Variants in COL24A1 observed in about 807,000 individuals in gnomAD.
The protein encoded by COL24A1 is collagen alpha-1(XXIV) chain.
A neutral mutation model predicts 253.9 loss-of-function variants in COL24A1; 224 were observed. The observed-to-expected ratio is 0.88, with a 90% CI of 0.79 to 0.99. The LOEUF (loss-of-function observed/expected upper bound fraction) is 0.99, where lower values mean the gene tolerates loss of function less well. COL24A1 is among the 50% of genes least tolerant of loss of function. The probability of loss-of-function intolerance (pLI) is 0.00; values close to 1 mark genes in which losing one functional copy is unlikely to be tolerated. For missense variants in COL24A1, 2,131 were observed against 2,068.5 expected, an observed-to-expected ratio of 1.03 and a Z score of -0.59; for synonymous variants, 685 against 673.7, an observed-to-expected ratio of 1.02 and a Z score of -0.26.
At chr1:86,060,318 T>G (rs1273374972) in intron 8 of COL24A1, among the ~76,000 whole-genome samples, 2 of 152,172 alleles carry the variant, frequency 1.3e-5, no homozygotes, top group Admixed American at 1.3e-4. Flanking sequence ...TGTGTTGAGC[T>G]GATGACAACA....
intron 31 of COL24A1, among the ~76,000 whole-genome samples, chr1:85,891,481 T>C (rs368790236): frequency 3.3e-5 from 5 of 152,198 alleles, no homozygotes; most frequent in East Asian, 3.8e-4. Flanking sequence ...AAATTAGAAG[T>C]AAAGATATTC....
chr1:86,146,716 G>A (rs946382587), intron 1 of COL24A1, among the ~76,000 whole-genome samples: 5 of 151,838 alleles, frequency 3.3e-5, no homozygotes, highest in African/African-American at 4.8e-5. Flanking sequence ...TAAATCACTC[G>A]TACTAGATTC....
chr1:85,748,610 C>A (rs1158322791), intron 55 of COL24A1, among the ~76,000 whole-genome samples: 1 of 149,948 alleles, frequency 6.7e-6, no homozygotes, highest in African/African-American at 2.5e-5. Flanking sequence ...TCTGCATTTC[C>A]ATCTGAGGTA....
At chr1:85,792,622 C>T (rs910385761) in intron 47 of COL24A1, among the ~76,000 whole-genome samples, 10 of 151,492 alleles carry the variant, frequency 6.6e-5, no homozygotes, top group East Asian at 1.9e-4. Context: ...GTGAGAGAAT[C>T]GCTTGAGCCC....
intron 47 of COL24A1, among the ~76,000 whole-genome samples, chr1:85,786,808 C>T (rs1007703300): frequency 6.6e-6 from 1 of 152,182 alleles, no homozygotes; most frequent in South Asian, 2.1e-4. Flanking sequence ...CATGGCAACT[C>T]TAATAACTGC....
chr1:85,878,576 T>G (rs1382607952), intron 32 of COL24A1, among the ~76,000 whole-genome samples: 2 of 152,230 alleles, frequency 1.3e-5, no homozygotes, highest in Non-Finnish European at 2.9e-5. Context: ...ACATAAGTTT[T>G]CAACTCATTT....
chr1:85,759,657 T>C (rs184591064), intron 55 of COL24A1, among the ~76,000 whole-genome samples: 18 of 152,342 alleles, frequency 1.2e-4, no homozygotes, highest in Non-Finnish European at 1.5e-5. Flanking sequence ...TATAATGTAT[T>C]CAACACACGT....
At chr1:85,994,344 G>A (rs997357380) in intron 19 of COL24A1, among the ~76,000 whole-genome samples, 2 of 150,366 alleles carry the variant, frequency 1.3e-5, no homozygotes, top group Non-Finnish European at 3.0e-5. Context: ...CTGAATTGAT[G>A]ACCAAATTAA....
intron 33 of COL24A1, among the ~76,000 whole-genome samples, chr1:85,876,891 T>C (rs1241962540): frequency 2.0e-5 from 3 of 152,216 alleles, no homozygotes; most frequent in Admixed American, 2.0e-4. Context: ...AAGCTCTATC[T>C]ACTTTTTGTT....
chr1:86,120,291 G>A (rs1262606916), intron 3 of COL24A1, among the ~76,000 whole-genome samples: 1 of 152,128 alleles, frequency 6.6e-6, no homozygotes, highest in Non-Finnish European at 1.5e-5. Context: ...ATAGACAAAT[G>A]GGATCTAATT....
chr1:86,111,310 A>G (rs1007391394), intron 5 of COL24A1, among the ~76,000 whole-genome samples: 2 of 152,198 alleles, frequency 1.3e-5, no homozygotes, highest in Admixed American at 6.5e-5. Flanking sequence ...TGCACCAATC[A>G]GCACTCTGTG....
At chr1:85,889,811 T>C (rs1386762200) in intron 31 of COL24A1, among the ~76,000 whole-genome samples, 198 bp from the exon 32 acceptor site, 1 of 152,152 alleles carries the variant, frequency 6.6e-6, no homozygotes, top group South Asian at 2.1e-4. Flanking sequence ...GTAAAGTTTG[T>C]GGCAGTAAGT....
chr1:86,104,858 G>A (rs1166222946), intron 5 of COL24A1, among the ~76,000 whole-genome samples: 1 of 152,242 alleles, frequency 6.6e-6, no homozygotes, highest in African/African-American at 2.4e-5. Context: ...GTTTGCACAT[G>A]CCAGCAGCAG....
intron 37 of COL24A1, among the ~76,000 whole-genome samples, chr1:85,851,887 T>C (rs556767070): frequency 6.6e-6 from 1 of 152,350 alleles, no homozygotes; most frequent in South Asian, 2.1e-4. Flanking sequence ...ATTACGACTT[T>C]GGACTAACAC....
chr1:86,086,883 A>T lies in COL24A1; in HGVS notation c.1707+2291T>A, dbSNP rs888518118. ...TTCCTAGTTATACTTGTTTTTCAAA[A>T]ATCTGTATATAGTTTCCATTAATAG... On this transcript the variant is annotated intron_variant, in intron 7 of 59. Transcript: ENST00000370571. Among the ~76,000 whole-genome samples the T allele has an allele frequency of 1.2e-4, 18 of 152,324 alleles. No individual in the cohort carries two copies. In the South Asian group the frequency reaches 3.5e-3, roughly 30 times the overall value.
rs571802163 is a variant in COL24A1, at chr1:85,909,878, A to G, written c.2670+72T>C. 4 of 1,244,588 alleles carry G rather than the reference A, an allele frequency of 3.2e-6. No individual in the cohort carries two copies. The South Asian group carries it at 3.6e-5, about 11-fold the overall frequency. The allele number at this position is 1,244,588 out of a possible 1,614,324, so 77.1% of individuals were successfully genotyped here. On this transcript the variant is annotated intron_variant, in intron 26 of 59. Transcript: ENST00000370571. ...ACTCAGTTAAATTCCAGCCCAGGCA[A>G]TTCCATCTCTGGAACGACTTGCTTT...
chr1:85,784,662 G>A (rs554794168), intron 48 of COL24A1, among the ~76,000 whole-genome samples: 3 of 152,236 alleles, frequency 2.0e-5, no homozygotes, highest in Admixed American at 2.0e-4. Flanking sequence ...AGGCTTGAGA[G>A]GGGATAGTGA....
intron 24 of COL24A1, among the ~76,000 whole-genome samples, chr1:85,953,931 C>T (rs1485750159): frequency 6.6e-6 from 1 of 152,134 alleles, no homozygotes; most frequent in Non-Finnish European, 1.5e-5. Flanking sequence ...TTTCCTTAGT[C>T]TGAAGGCTAA....
intron 37 of COL24A1, among the ~76,000 whole-genome samples, chr1:85,850,226 A>T (rs1677607247): frequency 6.6e-6 from 1 of 152,166 alleles, no homozygotes; most frequent in Non-Finnish European, 1.5e-5. Context: ...CCAGGTTGCA[A>T]GTTCTAAAAT....
Sources: allele counts gnomAD v4.1 joint callset (sites outside exome capture counted in the v4.1 genomes callset), GRCh38; gene constraint gnomAD v4.1.1; transcripts MANE v1.5; gene names NCBI Gene and HGNC (gene_info 2026-07-23, HGNC 2026-07-21).